DAB1: variants seen among roughly 807,000 people sequenced by gnomAD.
The protein encoded by DAB1 is DAB adaptor protein 1.
DAB1 carries 15 observed loss-of-function variants against 64.6 expected under a neutral mutation model. The observed-to-expected ratio is 0.23, with a 90% CI of 0.16 to 0.36. The LOEUF (loss-of-function observed/expected upper bound fraction) is 0.36, where lower values mean the gene tolerates loss of function less well. Ranked by LOEUF, DAB1 falls within the 10% of genes least tolerant of loss-of-function variation. DAB1 has a pLI of 1.00. For missense variants in DAB1, 596 were observed against 706.7 expected (o/e 0.84, Z 1.78); for synonymous variants, 235 against 251.9 (o/e 0.93, Z 0.64).
rs532029738 is a variant in DAB1, at chr1:57,341,608, C to G, written c.-136-50442G>C. 3.3e-5 allele frequency among the ~76,000 whole-genome samples: 5 copies of G among 152,256 alleles called. No homozygotes were observed. The South Asian group carries it at 6.2e-4, about 19-fold the overall frequency. On this transcript the variant is annotated intron_variant, in intron 1 of 14. Coordinates refer to ENST00000371236, the MANE Select transcript of DAB1 (RefSeq NM_001365792.1). ...TATGAAACAAAGGGTCCTTCAAAAA[C>G]AGAGAGAGAAAACTCTTTTGATTTT...
intron 6 of DAB1, among the ~76,000 whole-genome samples, chr1:57,801,155 C>T (rs927615): frequency 1 from 151,954 of 152,350 alleles, 75,779 homozygotes; most frequent in Middle Eastern, 1. Flanking sequence ...CATTTTCTGA[C>T]AGATTAATTT....
intron 6 of DAB1, among the ~76,000 whole-genome samples, chr1:57,705,705 C>T (rs777044462): frequency 2.2e-4 from 33 of 151,958 alleles, no homozygotes; most frequent in Non-Finnish European, 3.7e-4. Flanking sequence ...TTAATTTTTG[C>T]CTAATATTGT....
intron 2 of DAB1, among the ~76,000 whole-genome samples, chr1:57,184,921 T>G (rs1403010876): frequency 6.6e-6 from 1 of 152,096 alleles, no homozygotes. Flanking sequence ...CAAATATAAC[T>G]GAGCACATGG....
chr1:57,997,792 T>C (rs1227011974), intron 5 of DAB1, among the ~76,000 whole-genome samples: 8 of 151,892 alleles, frequency 5.3e-5, no homozygotes. Context: ...GATAACAACC[T>C]CGTTGCTGCT....
intron 1 of DAB1, among the ~76,000 whole-genome samples, chr1:57,401,572 A>G (rs1278327232): frequency 6.6e-6 from 1 of 152,198 alleles, no homozygotes; most frequent in Non-Finnish European, 1.5e-5. Flanking sequence ...GTCATTAAGC[A>G]TTACTGCAGA....
intron 3 of DAB1, among the ~76,000 whole-genome samples, chr1:58,401,854 C>T (rs1021512003): frequency 2.0e-5 from 3 of 152,130 alleles, no homozygotes; most frequent in Non-Finnish European, 4.4e-5. Context: ...TCAGGCTATC[C>T]CCATGTCAGA....
intron 5 of DAB1, among the ~76,000 whole-genome samples, chr1:58,127,952 G>C (rs1191831516): frequency 6.6e-6 from 1 of 152,038 alleles, no homozygotes; most frequent in Non-Finnish European, 1.5e-5. Flanking sequence ...GCTCTTTTTT[G>C]GTTCCATATG....
intron 4 of DAB1, among the ~76,000 whole-genome samples, chr1:58,303,387 A>C (rs1298582062): frequency 6.6e-6 from 1 of 152,152 alleles, no homozygotes; most frequent in Non-Finnish European, 1.5e-5. Flanking sequence ...ATTGAATTCC[A>C]CCTACTGATG....
At chr1:57,638,038 A>G (rs1470510684) in intron 7 of DAB1, among the ~76,000 whole-genome samples, 1 of 152,190 alleles carries the variant, frequency 6.6e-6, no homozygotes, top group Non-Finnish European at 1.5e-5. Context: ...TTATATTTGT[A>G]TTTATAATCT....
At chr1:58,125,788 C>G (rs1653032797) in intron 5 of DAB1, among the ~76,000 whole-genome samples, 1 of 152,122 alleles carries the variant, frequency 6.6e-6, no homozygotes, top group Non-Finnish European at 1.5e-5. Flanking sequence ...GCATTCTCTT[C>G]TGCTGATCAC....
At chr1:57,368,411 C>T (rs1680236629) in intron 1 of DAB1, among the ~76,000 whole-genome samples, 1 of 152,174 alleles carries the variant, frequency 6.6e-6, no homozygotes, top group South Asian at 2.1e-4. Flanking sequence ...AGTGCCTCTT[C>T]TGGGCCCACC....
At chr1:57,394,142 G>C (rs1297687934) in intron 1 of DAB1, among the ~76,000 whole-genome samples, 2 of 152,158 alleles carry the variant, frequency 1.3e-5, no homozygotes, top group Non-Finnish European at 2.9e-5. Flanking sequence ...GCCATTCACC[G>C]TAGATCTTAC....
At chr1:58,131,059 A>G (rs1309395993) in intron 5 of DAB1, among the ~76,000 whole-genome samples, 2 of 135,184 alleles carry the variant, frequency 1.5e-5, no homozygotes, top group South Asian at 2.9e-4. Context: ...GTGTTTTCCA[A>G]CTTGGTTCCA....
intron 4 of DAB1, among the ~76,000 whole-genome samples, chr1:58,292,732 CA>C (rs1443460786): frequency 6.6e-6 from 1 of 151,986 alleles, no homozygotes; most frequent in Non-Finnish European, 1.5e-5. Context: ...GTACTCAGAC[CA>C]AAAGGTGGAG....
At chr1:58,491,751 C>T (rs976787232) in intron 3 of DAB1, among the ~76,000 whole-genome samples, 12 of 152,098 alleles carry the variant, frequency 7.9e-5, no homozygotes, top group Non-Finnish European at 1.6e-4. Flanking sequence ...ACAGGAGCAC[C>T]CAGATTCATA....
chr1:58,206,465 G>A (rs940407499), intron 4 of DAB1, among the ~76,000 whole-genome samples: 1 of 152,194 alleles, frequency 6.6e-6, no homozygotes, highest in South Asian at 2.1e-4. Context: ...TTCCCAGCCT[G>A]ACTATTCCCT....
At chr1:58,267,070 A>C (rs1411881538) in intron 4 of DAB1, among the ~76,000 whole-genome samples, 1 of 152,112 alleles carries the variant, frequency 6.6e-6, no homozygotes, top group Non-Finnish European at 1.5e-5. Context: ...AAATACAAAA[A>C]TTGGCCGGGC....
intron 1 of DAB1, among the ~76,000 whole-genome samples, chr1:57,394,954 T>A (rs1682682002): frequency 6.6e-6 from 1 of 152,256 alleles, no homozygotes; most frequent in African/African-American, 2.4e-5. Flanking sequence ...TTAGAAAGGA[T>A]ATCATCATTA....
At chr1:57,713,968 G>A (rs1364573366) in intron 6 of DAB1, among the ~76,000 whole-genome samples, 2 of 152,048 alleles carry the variant, frequency 1.3e-5, no homozygotes, top group Admixed American at 1.3e-4. Flanking sequence ...ACCTACATCT[G>A]TTCCTAAGCA....
Sources: allele counts gnomAD v4.1 joint callset (sites outside exome capture counted in the v4.1 genomes callset), GRCh38; gene constraint gnomAD v4.1.1; transcripts MANE v1.5; gene names NCBI Gene and HGNC (gene_info 2026-07-23, HGNC 2026-07-21).